GALNT13: variants seen among roughly 807,000 people sequenced by gnomAD.
The protein encoded by GALNT13 is UDP-GalNAc:polypeptide N-acetylgalactosaminyltransferase 13.
GALNT13 carries 28 observed loss-of-function variants against 64.2 expected under a neutral mutation model. The ratio of observed to expected loss-of-function variants is 0.44; its 90% confidence interval spans 0.32 to 0.60. The LOEUF is 0.60. GALNT13 is among the 20% of genes least tolerant of loss of function. The pLI, the probability that GALNT13 is intolerant of heterozygous loss-of-function variation, is 0.05. For missense variants in GALNT13, 577 were observed against 669.8 expected, an observed-to-expected ratio of 0.86 and a Z score of 1.53; for synonymous variants, 214 against 224.6, an observed-to-expected ratio of 0.95 and a Z score of 0.42.
chr2:154,289,152 A>G (rs1692455359), intron 8 of GALNT13, among the ~76,000 whole-genome samples: 1 of 152,110 alleles, frequency 6.6e-6, no homozygotes, highest in African/African-American at 2.4e-5. Context: ...TAAGCCACCA[A>G]AGTTTGGGGC....
chr2:153,815,607 A>G, the GALNT13 span, among the ~76,000 whole-genome samples: 2 of 152,232 alleles, frequency 1.3e-5, no homozygotes. Flanking sequence ...AAGCTACTTC[A>G]TAACACGGGA....
At chr2:153,542,497 G>A in the GALNT13 span, among the ~76,000 whole-genome samples, 1 of 152,130 alleles carries the variant, frequency 6.6e-6, no homozygotes, top group Non-Finnish European at 1.5e-5. Flanking sequence ...CCAAGTTGGG[G>A]ATCAGTAGAT....
intron 4 of GALNT13, among the ~76,000 whole-genome samples, chr2:154,238,979 G>C (rs1295144230): frequency 6.6e-6 from 1 of 152,000 alleles, no homozygotes; most frequent in African/African-American, 2.4e-5. Context: ...TTTACCCTTT[G>C]ATGAATGACT....
At chr2:153,574,086 T>C in the GALNT13 span, among the ~76,000 whole-genome samples, 1 of 151,782 alleles carries the variant, frequency 6.6e-6, no homozygotes, top group East Asian at 1.9e-4. Context: ...TTCTCCTTCA[T>C]ATGTGAAGGA....
the GALNT13 span, among the ~76,000 whole-genome samples, chr2:153,821,621 C>G: frequency 6.6e-6 from 1 of 151,930 alleles, no homozygotes; most frequent in East Asian, 1.9e-4. Context: ...TGCTAAATGC[C>G]TATATCAAGA....
At chr2:153,944,309 TAA>T in intron 2 of GALNT13, 83 bp from the exon 3 acceptor site, 1 of 499,174 alleles carries the variant, frequency 2.0e-6, no homozygotes. Context: ...GAACATTAAA[TAA>T]GTCATACATT....
intron 4 of GALNT13, among the ~76,000 whole-genome samples, chr2:154,223,448 C>CTTTTT (rs61230257): frequency 1.8e-4 from 22 of 124,308 alleles, no homozygotes; most frequent in East Asian, 4.6e-4. Context: ...TTTTCTTTTT[C>CTTTTT]TTTTTTTTTT....
the GALNT13 span, among the ~76,000 whole-genome samples, chr2:153,650,350 A>G: frequency 1.3e-5 from 2 of 152,174 alleles, no homozygotes; most frequent in African/African-American, 2.4e-5. Flanking sequence ...TTTTGAGCCT[A>G]TGTGTGTCTC....
chr2:154,298,679 TAC>T (rs1331826842), intron 8 of GALNT13, among the ~76,000 whole-genome samples: 5 of 111,596 alleles, frequency 4.5e-5, no homozygotes, highest in African/African-American at 1.4e-4. Context: ...ACATTGTATA[TAC>T]AATTTATATA....
chr2:153,953,277 C>T (rs2105407662), intron 3 of GALNT13, among the ~76,000 whole-genome samples: 1 of 152,100 alleles, frequency 6.6e-6, no homozygotes, highest in East Asian at 1.9e-4. Flanking sequence ...AATAGCAAAG[C>T]AAGAATTTCT....
At chr2:154,391,269 G>C (rs1385219896) in intron 9 of GALNT13, among the ~76,000 whole-genome samples, 2 of 152,032 alleles carry the variant, frequency 1.3e-5, no homozygotes, top group African/African-American at 4.8e-5. Flanking sequence ...TAGGCTGACT[G>C]GTTTATTTGC....
At chr2:153,473,117 G>A in the GALNT13 span, among the ~76,000 whole-genome samples, 1 of 151,912 alleles carries the variant, frequency 6.6e-6, no homozygotes, top group African/African-American at 2.4e-5. Context: ...AAACCACCAT[G>A]GCAGTACGTG....
rs75063720 is a variant in GALNT13, at chr2:154,214,184, G to A, written c.312-27846G>A. Among the ~76,000 whole-genome samples, 958 of 152,158 alleles carry A rather than the reference G, an allele frequency of 6.3e-3. 10 individuals carry two copies. The highest frequency in any genetic ancestry group is 0.021 in the African/African-American group (861 of 41,530). On this transcript the variant is annotated intron_variant, in intron 4 of 12. Transcript: ENST00000392825. ...TCTACCATTGTCTGCTCACTAACAC[G>A]AGGCACCAATAGTCAATCCTTTCCT...
At chr2:153,426,933 T>A in the GALNT13 span, among the ~76,000 whole-genome samples, 1 of 152,020 alleles carries the variant, frequency 6.6e-6, no homozygotes, top group Non-Finnish European at 1.5e-5. Context: ...TTATTGGAAA[T>A]TTTTGTTTTC....
intron 4 of GALNT13, among the ~76,000 whole-genome samples, chr2:154,197,702 G>A (rs1686952662): frequency 1.3e-5 from 2 of 150,708 alleles, no homozygotes; most frequent in African/African-American, 4.9e-5. Flanking sequence ...TTAAAATTAA[G>A]CACATCTATT....
chr2:154,202,314 A>G (rs1160417786), intron 4 of GALNT13, among the ~76,000 whole-genome samples: 1 of 152,136 alleles, frequency 6.6e-6, no homozygotes, highest in Non-Finnish European at 1.5e-5. Flanking sequence ...AATTACATAT[A>G]GTAAGTACTG....
chr2:154,338,272 T>G (rs1695563509), intron 9 of GALNT13, among the ~76,000 whole-genome samples: 2 of 152,192 alleles, frequency 1.3e-5, no homozygotes, highest in East Asian at 3.9e-4. Flanking sequence ...CTACAGTGTT[T>G]GTACCAAATT....
intron 3 of GALNT13, among the ~76,000 whole-genome samples, chr2:154,037,117 A>G (rs1250292221): frequency 6.6e-6 from 1 of 152,040 alleles, no homozygotes; most frequent in Non-Finnish European, 1.5e-5. Flanking sequence ...ACATATGTTT[A>G]TTTTTTTAAT....
chr2:153,818,981 C>T, the GALNT13 span, among the ~76,000 whole-genome samples: 1 of 152,170 alleles, frequency 6.6e-6, no homozygotes, highest in Non-Finnish European at 1.5e-5. Context: ...ACCAGCCGGA[C>T]CTGGGTCCAG....
Sources: gnomAD v4.1 joint callset for allele counts (sites outside exome capture counted in the v4.1 genomes callset) on GRCh38, gnomAD v4.1.1 for gene constraint, MANE v1.5 for transcripts, NCBI Gene and HGNC (gene_info 2026-07-23, HGNC 2026-07-21) for gene names.